Variants in TEPSIN observed in about 807,000 individuals in gnomAD.
The protein encoded by TEPSIN is TEPSIN adaptor related protein complex 4 accessory protein, also known as AP-4 complex accessory subunit tepsin.
In TEPSIN, 50 loss-of-function variants were observed where a neutral mutation model predicts 48.5. That is an observed-to-expected ratio of 1.03 (90% confidence interval 0.82 to 1.31). The LOEUF is 1.31. TEPSIN is among the 50% of genes most tolerant of loss of function. The pLI, the probability that TEPSIN is intolerant of heterozygous loss-of-function variation, is 0.00. For synonymous variants in TEPSIN, 392 were observed against 358.8 expected (o/e 1.09, Z -1.05); for missense variants, 838 against 815.9 (o/e 1.03, Z -0.33).
chr17:81,233,930 C>T lies in TEPSIN; in HGVS notation c.375+51G>A. On this transcript the variant is annotated intron_variant, in intron 5 of 12. Transcript: ENST00000637944. This position sits in a 1 kb window ranked among gnomAD's most constrained non-coding sequence, Gnocchi z 5.8. ...CTGACATCCTGGCCCCAATCCCACC[C>T]CTCTACAGGAGGAGGGGCACCCCGC... is the stretch of plus-strand genomic sequence containing the variant. 6.4e-7 allele frequency: 1 copy of T among 1,559,068 alleles called. No homozygotes were observed. Among genetic ancestry groups the T allele is most frequent in the Non-Finnish European group, 8.6e-7 (1 of 1,157,380 alleles).
intron 2 of TEPSIN, 100 bp from the exon 3 acceptor site, chr17:81,237,171 G>A: frequency 7.6e-7 from 1 of 1,317,862 alleles, no homozygotes; most frequent in Non-Finnish European, 1.1e-6. Flanking sequence ...CTCCCTGGAG[G>A]CGCCTACTGG....
intron 4 of TEPSIN, among the ~76,000 whole-genome samples, chr17:81,235,321 G>A (rs1000044596): frequency 1.6e-4 from 24 of 152,148 alleles, no homozygotes; most frequent in Admixed American, 3.9e-4. Context: ...CTCTGCGCGC[G>A]TGGGGCAGGC....
chr17:81,237,645 G>A (rs1310980976), intron 1 of TEPSIN, 186 bp from the exon 2 acceptor site: 4 of 646,640 alleles, frequency 6.2e-6, no homozygotes, highest in African/African-American at 3.7e-5. Context: ...TCTCTCAACA[G>A]TCAGGGATGA....
chr17:81,230,306 A>C lies in TEPSIN; in HGVS notation c.1233+238T>G. ...CAGCGGAGTCTGGGGGCTTCCAGGAATAGGTAGAGGCCAGTGTACTGTGAG... is the reference window on the plus strand; with the variant it reads ...CAGCGGAGTCTGGGGGCTTCCAGGACTAGGTAGAGGCCAGTGTACTGTGAG... On this transcript the variant is annotated intron_variant, in intron 12 of 12. Coordinates refer to ENST00000637944, the MANE Select transcript of TEPSIN (RefSeq NM_001363764.2). The surrounding 1 kb of genome is among the most constrained non-coding windows in gnomAD (Gnocchi z 4.2). 1.9e-6 allele frequency: 1 copy of C among 514,436 alleles called. No homozygotes were observed. The highest frequency in any genetic ancestry group is 3.4e-6 in the Non-Finnish European group (1 of 295,224). The allele number at this position is 514,436 out of a possible 1,614,324, so 31.9% of individuals were successfully genotyped here.
In TEPSIN at chr17:81,228,674, G is replaced by C. The variant is rs1452788905; in HGVS notation, c.*254C>G. ...AAACCTCATGTCTGAGAGCAAGACA[G>C]GCAGGGACTGCCCCCTGAGAGCCCT... is the stretch of plus-strand genomic sequence containing the variant. On this transcript the variant is annotated 3_prime_UTR_variant, in exon 13 of 13. Transcript: ENST00000637944. 2 of 564,686 alleles carry C rather than the reference G, an allele frequency of 3.5e-6. No homozygotes were observed. The highest frequency in any genetic ancestry group is 4.6e-4 in the Middle Eastern group (1 of 2,182). The allele number at this position is 564,686 out of a possible 1,614,324, so 35.0% of individuals were successfully genotyped here.
In TEPSIN at chr17:81,233,178, G is replaced by A. The variant is rs977947668; in HGVS notation, c.526+254C>T. On this transcript the variant is annotated intron_variant, in intron 7 of 12. Coordinates refer to ENST00000637944, the MANE Select transcript of TEPSIN (RefSeq NM_001363764.2). The surrounding 1 kb of genome is among the most constrained non-coding windows in gnomAD (Gnocchi z 5.8). Reference sequence around the variant, plus strand: ...TCAGAGTGGGACTCACCCCTGCCACGGGGCCCAGCCCTGACTTCTTGCTCG... The same window carrying A: ...TCAGAGTGGGACTCACCCCTGCCACAGGGCCCAGCCCTGACTTCTTGCTCG... 10 of 549,136 alleles carry A rather than the reference G, an allele frequency of 1.8e-5. No homozygotes were observed. Among genetic ancestry groups the A allele is most frequent in the East Asian group, 6.4e-5 (2 of 31,296 alleles). 34.0% of individuals were successfully genotyped at this position (549,136 alleles called of 1,614,324 possible). A position where few individuals can be genotyped will look rare whatever the true frequency, so the allele number is the denominator to read the frequency against.
chr17:81,231,273 CCA>C (rs1033975780), intron 11 of TEPSIN, 123 bp downstream of exon 11: 2 of 1,034,198 alleles, frequency 1.9e-6, no homozygotes, highest in Admixed American at 2.6e-5. Context: ...GCACGCACAG[CCA>C]CACAGAGGAA....
intron 1 of TEPSIN, chr17:81,237,682 T>C (rs548519515): frequency 2.0e-5 from 12 of 601,896 alleles, no homozygotes; most frequent in African/African-American, 1.7e-4. Context: ...GGCAAATCAA[T>C]GGTGGTTCTC....
chr17:81,237,283 C>T (rs772455817), intron 2 of TEPSIN, 104 bp downstream of exon 2: 14 of 1,356,040 alleles, frequency 1.0e-5, no homozygotes, highest in Admixed American at 3.9e-5. Flanking sequence ...ATAAAGGAGC[C>T]GTGCATCCCC....
At position 81,230,873 on chromosome 17, in the gene TEPSIN, C is replaced by T. The variant is rs1032139633; in HGVS notation, c.1099-195G>A. ...ATCCCAGACACCACAGCCCTGTCCT[C>T]ACCACCTTACACCCCCGCTCCCAGA... On this transcript the variant is annotated intron_variant, in intron 11 of 12. Coordinates refer to ENST00000637944, the MANE Select transcript of TEPSIN (RefSeq NM_001363764.2). The surrounding 1 kb of genome is among the most constrained non-coding windows in gnomAD (Gnocchi z 4.2). 2.6e-4 allele frequency: 164 copies of T among 632,112 alleles called. No homozygotes were observed. Among genetic ancestry groups the T allele is most frequent in the Admixed American group, 1.4e-4 (4 of 28,266 alleles). 39.2% of individuals were successfully genotyped at this position (632,112 alleles called of 1,614,324 possible).
In TEPSIN at chr17:81,234,145, T is replaced by A; in HGVS notation, c.308-97A>T. 1.8e-6 allele frequency: 2 copies of A among 1,112,506 alleles called. No individual in the cohort carries two copies. Among genetic ancestry groups the A allele is most frequent in the South Asian group, 1.8e-5 (1 of 56,476 alleles). The allele number at this position is 1,112,506 out of a possible 1,614,324, so 68.9% of individuals were successfully genotyped here. A position where few individuals can be genotyped will look rare whatever the true frequency, so the allele number is the denominator to read the frequency against. The stretch of plus-strand genomic sequence containing the variant: ...CCTGGGCCCACTCCAGGGTGGCAAG[T>A]TCCTGCCACCAAGGCCCTTCTGTCA... On this transcript the variant is annotated intron_variant, in intron 4 of 12. Coordinates refer to ENST00000637944, the MANE Select transcript of TEPSIN (RefSeq NM_001363764.2). This position sits in a 1 kb window ranked among gnomAD's most constrained non-coding sequence, Gnocchi z 5.4.
In TEPSIN at chr17:81,229,267, G is replaced by T. The variant is rs989210501; in HGVS notation, c.1443C>A (p.Ser481Arg). ...SPAPSSGMPSSPVPTPPPDAS... is the reference protein window; with the variant it reads ...SPAPSSGMPSRPVPTPPPDAS... ...CATCTGGGGGTGGGGTGGGCACAGG[G>T]CTGGACGGCATCCCAGATGAGGGAG... Residue 481 changes from serine to arginine, a missense_variant, in exon 13 of 13, where the codon AGC becomes AGA. Ser to Arg is a moderately radical substitution (Grantham distance 110, BLOSUM62 -1). Coordinates refer to ENST00000637944, the MANE Select transcript of TEPSIN (RefSeq NM_001363764.2). The T allele has an allele frequency of 1.6e-5, 26 of 1,577,778 alleles. No individual in the cohort carries two copies. Among genetic ancestry groups the T allele is most frequent in the Non-Finnish European group, 2.2e-5 (26 of 1,162,264 alleles).
chr17:81,231,577 C>A lies in TEPSIN; in HGVS notation c.1019+1G>T. The A allele has an allele frequency of 1.2e-6, 2 of 1,611,350 alleles. No individual in the cohort carries two copies. The highest frequency in any genetic ancestry group is 1.1e-5 in the South Asian group (1 of 90,802). ...AGCAGGGCGGGTCCGGGCGCACTCA[C>A]GCTTTGATGAAGTGCTGTGCCTCCT... On this transcript the variant is annotated splice_donor_variant, in intron 10 of 12. Coordinates refer to ENST00000637944, the MANE Select transcript of TEPSIN (RefSeq NM_001363764.2). LOFTEE classifies it high-confidence loss of function.
intron 1 of TEPSIN, 173 bp from the exon 2 acceptor site, chr17:81,237,632 T>C (rs1477218125): frequency 2.9e-6 from 2 of 679,530 alleles, no homozygotes; most frequent in Admixed American, 3.0e-5. Flanking sequence ...TGCAGCAGGG[T>C]CCTCTCTCAA....
At position 81,231,384 on chromosome 17, in the gene TEPSIN, C is replaced by T. The variant is rs749847523; in HGVS notation, c.1098+14G>A. ...GCACACAGTCACGCCCTCCCGCCCGCGTGTGCAGCTCACCAGCTGCGTGCA... is the reference window on the plus strand; with the variant it reads ...GCACACAGTCACGCCCTCCCGCCCGTGTGTGCAGCTCACCAGCTGCGTGCA... On this transcript the variant is annotated intron_variant, in intron 11 of 12. Transcript: ENST00000637944. The T allele has an allele frequency of 2.8e-5, 43 of 1,536,610 alleles. No individual in the cohort carries two copies. Among genetic ancestry groups the T allele is most frequent in the Non-Finnish European group, 3.1e-5 (35 of 1,140,492 alleles).
rs1244061146 is a variant in TEPSIN at position 81,233,167 on chromosome 17, AC to A, written c.526+264del. The A allele has an allele frequency of 1.1e-5, 6 of 554,126 alleles. No individual in the cohort carries two copies. Among genetic ancestry groups the A allele is most frequent in the Non-Finnish European group, 1.9e-5 (6 of 313,596 alleles). 34.3% of individuals were successfully genotyped at this position (554,126 alleles called of 1,614,324 possible). A position where few individuals can be genotyped will look rare whatever the true frequency, so the allele number is the denominator to read the frequency against. ...CTCGGCCCCTCTCAGAGTGGGACTC[AC>A]CCCTGCCACGGGGCCCAGCCCTGAC... On this transcript the variant is annotated intron_variant, in intron 7 of 12. Coordinates refer to ENST00000637944, the MANE Select transcript of TEPSIN (RefSeq NM_001363764.2). This position sits in a 1 kb window ranked among gnomAD's most constrained non-coding sequence, Gnocchi z 5.8.
intron 4 of TEPSIN, among the ~76,000 whole-genome samples, chr17:81,235,299 C>T (rs539649233): frequency 5.9e-5 from 9 of 152,318 alleles, no homozygotes; most frequent in African/African-American, 2.2e-4. Flanking sequence ...GTTTTCTTTC[C>T]TCTTTCTGAC....
Position 81,229,209 on chromosome 17 carries a change from C to A in TEPSIN, c.1501G>T (p.Glu501Ter). 6.4e-7 allele frequency: 1 copy of A among 1,557,908 alleles called. No individual in the cohort carries two copies. The highest frequency in any genetic ancestry group is 1.7e-4 in the Middle Eastern group (1 of 5,756). The change falls in exon 13 of 13, where the codon GAG (glutamate) becomes TAG (stop). Residue 501 changes from glutamate to a stop codon, truncating the protein, a stop_gained. Coordinates refer to ENST00000637944, the MANE Select transcript of TEPSIN (RefSeq NM_001363764.2). LOFTEE classifies it low-confidence loss of function (END_TRUNC). The part of the protein sequence containing the change: ...SPIPAPGDPS[E>*]AEARLAESRR... ...CTTTCTGCCAGTCTGGCCTCGGCCTCGCTGGGGTCTCCGGGGGCTGGAATG... is the reference window on the plus strand; with the variant it reads ...CTTTCTGCCAGTCTGGCCTCGGCCTAGCTGGGGTCTCCGGGGGCTGGAATG...
chr17:81,229,608 G>A (rs1051644998), intron 12 of TEPSIN, 132 bp from the exon 13 acceptor site: 63 of 973,682 alleles, frequency 6.5e-5, no homozygotes, highest in South Asian at 1.8e-4. Context: ...GCAGGACACC[G>A]GCTGCTGGGA....
Sources: gnomAD v4.1 joint callset for allele counts (sites outside exome capture counted in the v4.1 genomes callset) on GRCh38, gnomAD v4.1.1 for gene constraint, Gnocchi (gnomAD v3.1) non-coding constraint, MANE v1.5 for transcripts, NCBI Gene and HGNC (gene_info 2026-07-23, HGNC 2026-07-21) for gene names.